The following ZNF385D variants were observed in gnomAD, a reference collection of about 807,000 sequenced individuals.
ZNF385D encodes zinc finger protein 385D.
In ZNF385D, 15 loss-of-function variants were observed where a neutral mutation model predicts 35.8. The ratio of observed to expected loss-of-function variants is 0.42; its 90% confidence interval spans 0.28 to 0.64. The LOEUF (loss-of-function observed/expected upper bound fraction) is 0.64. Ranked by LOEUF, ZNF385D falls within the 30% of genes least tolerant of loss-of-function variation. ZNF385D has a pLI of 0.23. For missense variants in ZNF385D, 474 were observed against 494.6 expected, an observed-to-expected ratio of 0.96 and a Z score of 0.39; for synonymous variants, 212 against 186.8, an observed-to-expected ratio of 1.13 and a Z score of -1.10.
intron 3 of ZNF385D, among the ~76,000 whole-genome samples, chr3:22,101,708 C>T (rs1402290583): frequency 6.6e-6 from 1 of 151,944 alleles, no homozygotes; most frequent in Non-Finnish European, 1.5e-5. Flanking sequence ...AAAGGATTCT[C>T]TGGCAAAAAT....
At chr3:22,122,185 C>T (rs1458290207) in intron 3 of ZNF385D, among the ~76,000 whole-genome samples, 3 of 152,122 alleles carry the variant, frequency 2.0e-5, no homozygotes, top group Non-Finnish European at 2.9e-5. Flanking sequence ...CTGACTGCTT[C>T]CCCTTTACTA....
intron 3 of ZNF385D, among the ~76,000 whole-genome samples, chr3:21,803,987 T>G (rs1478437100): frequency 6.6e-6 from 1 of 152,222 alleles, no homozygotes; most frequent in Non-Finnish European, 1.5e-5. Context: ...TAGTTTCATA[T>G]CATGTTTACA....
At chr3:22,001,229 T>G (rs191601884) in intron 3 of ZNF385D, among the ~76,000 whole-genome samples, 1 of 152,086 alleles carries the variant, frequency 6.6e-6, no homozygotes, top group East Asian at 1.9e-4. Flanking sequence ...TAAGCAATAA[T>G]ATGCTGCCTA....
At chr3:22,188,914 T>C (rs1695831088) in intron 2 of ZNF385D, among the ~76,000 whole-genome samples, 1 of 152,164 alleles carries the variant, frequency 6.6e-6, no homozygotes, top group Non-Finnish European at 1.5e-5. Context: ...TAAATAAAAA[T>C]AAATATCCAA....
rs563360022 is a variant in ZNF385D at position 21,841,057 on chromosome 3, G to A, written c.326-176029C>T. On this transcript the variant is annotated intron_variant, in intron 3 of 5. Transcript: ENST00000494108. The stretch of plus-strand genomic sequence containing the variant: ...GAAGAATTAGACATACAGATGGTAA[G>A]AGACTGTTAGCAAGTTTCATGAGAA... 9.2e-5 allele frequency among the ~76,000 whole-genome samples: 14 copies of A among 152,118 alleles called. No homozygotes were observed. The South Asian group carries it at 2.9e-3, about 32-fold the overall frequency.
chr3:22,159,467 G>A (rs1705805115), intron 3 of ZNF385D, among the ~76,000 whole-genome samples: 1 of 152,002 alleles, frequency 6.6e-6, no homozygotes, highest in Non-Finnish European at 1.5e-5. Flanking sequence ...TCAGGCTCAG[G>A]TTGTAAAACC....
At chr3:21,808,985 T>C (rs74449396) in intron 3 of ZNF385D, among the ~76,000 whole-genome samples, 11,752 of 152,258 alleles carry the variant, frequency 0.077, 623 homozygotes, top group South Asian at 0.14. Flanking sequence ...TAAACATCAA[T>C]GGGTTGCCCG....
At chr3:22,031,229 C>T (rs772769714) in intron 3 of ZNF385D, among the ~76,000 whole-genome samples, 8 of 152,208 alleles carry the variant, frequency 5.3e-5, no homozygotes, top group South Asian at 2.1e-4. Context: ...CCTTTTCTCA[C>T]GGCTCTTCTA....
chr3:22,081,749 A>C (rs139268818), intron 3 of ZNF385D, among the ~76,000 whole-genome samples: 109 of 152,290 alleles, frequency 7.2e-4, no homozygotes, highest in African/African-American at 2.5e-3. Context: ...CAAAGACTCT[A>C]TTGCCCCAAA....
chr3:21,591,982 G>T (rs1301469732), intron 2 of ZNF385D, among the ~76,000 whole-genome samples: 1 of 151,988 alleles, frequency 6.6e-6, no homozygotes, highest in Non-Finnish European at 1.5e-5. Context: ...ATCTTTACTG[G>T]CTGTTCAAAC....
intron 3 of ZNF385D, among the ~76,000 whole-genome samples, chr3:21,920,043 G>C (rs538938197): frequency 1.8e-3 from 272 of 152,274 alleles, no homozygotes; most frequent in Non-Finnish European, 3.4e-3. Flanking sequence ...AATATGTTCT[G>C]AGAGTCAAAT....
At chr3:21,920,789 G>A (rs189044302) in intron 3 of ZNF385D, among the ~76,000 whole-genome samples, 2 of 152,188 alleles carry the variant, frequency 1.3e-5, no homozygotes, top group Admixed American at 1.3e-4. Flanking sequence ...TGAGGAAGTT[G>A]GAGTTATTTC....
chr3:22,327,948 G>T (rs1333836209), intron 2 of ZNF385D, among the ~76,000 whole-genome samples: 3 of 152,188 alleles, frequency 2.0e-5, no homozygotes, highest in Non-Finnish European at 4.4e-5. Context: ...TCATCTGGAA[G>T]AAACTGAAGT....
chr3:21,885,683 C>CAT (rs941867788), intron 3 of ZNF385D, among the ~76,000 whole-genome samples: 21 of 148,854 alleles, frequency 1.4e-4, no homozygotes, highest in Non-Finnish European at 2.1e-4. Context: ...TTATAATAAA[C>CAT]ATATATATAT....
chr3:22,305,940 G>A (rs1215966546), intron 2 of ZNF385D, among the ~76,000 whole-genome samples: 1 of 152,258 alleles, frequency 6.6e-6, no homozygotes, highest in African/African-American at 2.4e-5. Context: ...TCCTAGGTTA[G>A]CACTAATTTT....
chr3:21,738,800 G>T (rs879518414), intron 1 of ZNF385D, among the ~76,000 whole-genome samples: 1 of 152,148 alleles, frequency 6.6e-6, no homozygotes, highest in Non-Finnish European at 1.5e-5. Flanking sequence ...CTCTAAAATG[G>T]AAATAAACAA....
chr3:22,011,769 T>A (rs998078285), intron 3 of ZNF385D, among the ~76,000 whole-genome samples: 1 of 152,102 alleles, frequency 6.6e-6, no homozygotes, highest in South Asian at 2.1e-4. Context: ...CTGAGATACA[T>A]AGTGAAATTG....
chr3:21,672,080 T>C (rs1215508749), intron 1 of ZNF385D, among the ~76,000 whole-genome samples: 1 of 152,162 alleles, frequency 6.6e-6, no homozygotes, highest in Non-Finnish European at 1.5e-5. Flanking sequence ...TGGGATTTTT[T>C]ACTCTTTGTC....
intron 2 of ZNF385D, among the ~76,000 whole-genome samples, chr3:22,236,057 G>A (rs1699165643): frequency 2.0e-5 from 3 of 151,730 alleles, no homozygotes; most frequent in Admixed American, 2.0e-4. Context: ...GGAATTTGGG[G>A]AAAAAAAGGA....
Sources: allele counts gnomAD v4.1 joint callset (sites outside exome capture counted in the v4.1 genomes callset), GRCh38; gene constraint gnomAD v4.1.1; transcripts MANE v1.5; gene names NCBI Gene and HGNC (gene_info 2026-07-23, HGNC 2026-07-21).